UBL3: variants seen among roughly 807,000 people sequenced by gnomAD.
The protein encoded by UBL3 is ubiquitin like 3.
UBL3 carries 6 observed loss-of-function variants against 18.4 expected under a neutral mutation model. That is an observed-to-expected ratio of 0.33 (90% CI 0.18 to 0.64). The LOEUF is 0.64. Among genes scored for constraint, UBL3 ranks in the 30% least tolerant of loss-of-function variants. The probability of loss-of-function intolerance (pLI) is 0.76; values close to 1 mark genes in which losing one functional copy is unlikely to be tolerated. For synonymous variants in UBL3, 49 were observed against 46.6 expected (o/e 1.05, Z -0.21); for missense variants, 109 against 142.9 (o/e 0.76, Z 1.21).
intron 1 of UBL3, among the ~76,000 whole-genome samples, chr13:29,846,499 T>C (rs1334940114): frequency 6.6e-6 from 1 of 152,060 alleles, no homozygotes; most frequent in Non-Finnish European, 1.5e-5. Flanking sequence ...AACACAAAAA[T>C]TTACTGGATG....
chr13:29,805,476 G>T (rs17073897), intron 1 of UBL3, among the ~76,000 whole-genome samples: 15,539 of 152,168 alleles, frequency 0.1, 970 homozygotes, highest in African/African-American at 0.17. Context: ...GAAAGCATGG[G>T]CATCTCCACT....
At position 29,807,471 on chromosome 13, in the gene UBL3, CTTTGTT is replaced by C. The variant is rs747620924; in HGVS notation, c.28-30214_28-30209del. 2.0e-5 allele frequency among the ~76,000 whole-genome samples: 3 copies of C among 152,170 alleles called. No individual in the cohort carries two copies. The South Asian group carries it at 6.2e-4, about 31-fold the overall frequency. On this transcript the variant is annotated intron_variant, in intron 1 of 4. Transcript: ENST00000380680. ...CTTCAATTCTCATTGCCTTTTATCT[CTTTGTT>C]TTCTGCTCTCCACCAAATTATTGAC...
At chr13:29,802,640 C>T (rs1469294668) in intron 1 of UBL3, among the ~76,000 whole-genome samples, 1 of 152,110 alleles carries the variant, frequency 6.6e-6, no homozygotes, top group African/African-American at 2.4e-5. Flanking sequence ...GAAAAACACA[C>T]TAAAAGAATT....
At chr13:29,846,091 A>G (rs1879221687) in intron 1 of UBL3, among the ~76,000 whole-genome samples, 1 of 152,130 alleles carries the variant, frequency 6.6e-6, no homozygotes, top group Admixed American at 6.5e-5. Flanking sequence ...AAAAACCTAC[A>G]GTGGTTAACA....
At chr13:29,799,360 G>A (rs1486076401) in intron 1 of UBL3, among the ~76,000 whole-genome samples, 2 of 152,218 alleles carry the variant, frequency 1.3e-5, no homozygotes, top group African/African-American at 2.4e-5. Flanking sequence ...ACCATCAAGA[G>A]CACATTCTTG....
intron 1 of UBL3, among the ~76,000 whole-genome samples, chr13:29,843,882 TC>T (rs1430552796): frequency 6.6e-6 from 1 of 152,126 alleles, no homozygotes; most frequent in Non-Finnish European, 1.5e-5. Context: ...CCCAAACACA[TC>T]CGCTAGATTT....
intron 1 of UBL3, among the ~76,000 whole-genome samples, chr13:29,798,158 T>G (rs1446589807): frequency 2.0e-5 from 3 of 152,042 alleles, no homozygotes; most frequent in Non-Finnish European, 4.4e-5. Flanking sequence ...CCGGAGTAGC[T>G]AGATTACAGG....
intron 1 of UBL3, among the ~76,000 whole-genome samples, chr13:29,824,373 G>T (rs1878561268): frequency 6.6e-6 from 1 of 152,154 alleles, no homozygotes; most frequent in Non-Finnish European, 1.5e-5. Context: ...AGCACCTGTT[G>T]TTTCCTGGCT....
At chr13:29,803,040 A>G (rs1039357589) in intron 1 of UBL3, among the ~76,000 whole-genome samples, 9 of 152,232 alleles carry the variant, frequency 5.9e-5, no homozygotes, top group Non-Finnish European at 1.5e-5. Flanking sequence ...AAAAAATGTT[A>G]AAAGCAGCTA....
At chr13:29,830,301 C>A (rs571561952) in intron 1 of UBL3, among the ~76,000 whole-genome samples, 1 of 152,278 alleles carries the variant, frequency 6.6e-6, no homozygotes, top group Non-Finnish European at 1.5e-5. Flanking sequence ...AATATAATAA[C>A]AGGCTTACAT....
At chr13:29,793,587 TA>T (rs1420244153) in intron 1 of UBL3, among the ~76,000 whole-genome samples, 2 of 152,206 alleles carry the variant, frequency 1.3e-5, no homozygotes, top group Non-Finnish European at 2.9e-5. Flanking sequence ...CTTTATAAAT[TA>T]CTCAAATATT....
intron 1 of UBL3, among the ~76,000 whole-genome samples, chr13:29,828,948 C>G (rs998714792): frequency 2.0e-5 from 3 of 152,140 alleles, no homozygotes; most frequent in African/African-American, 7.2e-5. Flanking sequence ...CACTCCAGAC[C>G]CTGTTTGCCT....
At chr13:29,801,449 G>A (rs904197766) in intron 1 of UBL3, among the ~76,000 whole-genome samples, 19 of 152,274 alleles carry the variant, frequency 1.2e-4, no homozygotes, top group African/African-American at 3.9e-4. Flanking sequence ...GACAGTCATT[G>A]TACAGAGGAG....
intron 1 of UBL3, among the ~76,000 whole-genome samples, chr13:29,783,628 C>G (rs1459380807): frequency 6.6e-6 from 1 of 152,126 alleles, no homozygotes; most frequent in Admixed American, 6.5e-5. Flanking sequence ...AATTGTAGCT[C>G]CTCTCAGTAA....
chr13:29,786,606 T>C (rs1391439067), intron 1 of UBL3, among the ~76,000 whole-genome samples: 1 of 152,264 alleles, frequency 6.6e-6, no homozygotes, highest in African/African-American at 2.4e-5. Flanking sequence ...TTAAGCCATC[T>C]GTGAAAACAG....
At chr13:29,778,240 A>G (rs996930614) in intron 1 of UBL3, among the ~76,000 whole-genome samples, 1 of 152,216 alleles carries the variant, frequency 6.6e-6, no homozygotes, top group African/African-American at 2.4e-5. Context: ...TAACAGAATT[A>G]AAGTGTTTGA....
chr13:29,780,641 G>A (rs1003107865), intron 1 of UBL3, among the ~76,000 whole-genome samples: 1 of 151,808 alleles, frequency 6.6e-6, no homozygotes, highest in Non-Finnish European at 1.5e-5. Context: ...GAATATTCAT[G>A]GGTTGCTAAA....
chr13:29,775,709 G>C (rs780132353), intron 2 of UBL3, among the ~76,000 whole-genome samples: 4 of 151,976 alleles, frequency 2.6e-5, no homozygotes, highest in African/African-American at 9.7e-5. Context: ...TCTGCCTCTC[G>C]GGTTCAAGAG....
chr13:29,833,243 C>A (rs1373466473), intron 1 of UBL3, among the ~76,000 whole-genome samples: 1 of 150,724 alleles, frequency 6.6e-6, no homozygotes. Flanking sequence ...GGAAGGCGGA[C>A]CGCAGTGGAT....
Sources: allele counts gnomAD v4.1 joint callset (sites outside exome capture counted in the v4.1 genomes callset), GRCh38; gene constraint gnomAD v4.1.1; transcripts MANE v1.5; gene names NCBI Gene and HGNC (gene_info 2026-07-23, HGNC 2026-07-21).